The following ARHGEF12 variants were observed in gnomAD, a reference collection of about 807,000 sequenced individuals.
ARHGEF12 encodes the protein Rho guanine nucleotide exchange factor 12, also known as KMT2A/ARHGEF12 fusion protein.
ARHGEF12 carries 66 observed loss-of-function variants against 211.2 expected under a neutral mutation model. The ratio of observed to expected loss-of-function variants is 0.31; its 90% CI spans 0.26 to 0.38. The LOEUF is 0.38. Ranked by LOEUF, ARHGEF12 falls within the 10% of genes least tolerant of loss-of-function variation. ARHGEF12 has a pLI of 1.00. For missense variants in ARHGEF12, 1,429 were observed against 1,869.5 expected (o/e 0.76, Z 4.34); for synonymous variants, 592 against 638.4 (o/e 0.93, Z 1.09).
intron 35 of ARHGEF12, 50 bp downstream of exon 35, chr11:120,477,355 G>C (rs747781968): frequency 1.2e-6 from 2 of 1,606,580 alleles, no homozygotes; most frequent in Admixed American, 3.4e-5. Context: ...TTTTGGGTTG[G>C]AAAAGACTAG....
Position 120,421,455 on chromosome 11 carries a change from T to TTTTTG in ARHGEF12, c.299-348_299-347insTTTTG, listed in dbSNP as rs1555109035. Among the ~76,000 whole-genome samples, 7 of 99,958 alleles carry TTTTTG rather than the reference T, an allele frequency of 7.0e-5. 1 individual carries two copies. Among genetic ancestry groups the TTTTTG allele is most frequent in the Non-Finnish European group, 1.2e-4 (6 of 50,888 alleles). The allele number at this position is 99,958 out of a possible 152,430, so 65.6% of individuals were successfully genotyped here. ...TTTTTTTTTTTTGTTTTTTTTTTTT[T>TTTTTG]GGAGATGGAGTCTCCCTCTGTCACC... On this transcript the variant is annotated intron_variant, in intron 5 of 40. Coordinates refer to ENST00000397843, the MANE Select transcript of ARHGEF12 (RefSeq NM_015313.3).
chr11:120,410,549 C>T (rs901853301), intron 4 of ARHGEF12: 2 of 152,096 alleles, frequency 1.3e-5, no homozygotes, highest in African/African-American at 4.8e-5. Flanking sequence ...GAATTGCCCT[C>T]CCCTTTTTAA....
At chr11:120,477,775 G>C in intron 36 of ARHGEF12, 1 of 389,462 alleles carries the variant, frequency 2.6e-6, no homozygotes, top group Non-Finnish European at 4.5e-6. Flanking sequence ...CTGAGGCAGG[G>C]AGAATTGCTT....
chr11:120,370,769 T>TCCC (rs1374844930), intron 1 of ARHGEF12, among the ~76,000 whole-genome samples: 1 of 152,106 alleles, frequency 6.6e-6, no homozygotes, highest in Non-Finnish European at 1.5e-5. Flanking sequence ...CCTCTCCTCC[T>TCCC]CCCTCACTTA....
At chr11:120,469,861 C>T (rs1266954161) in intron 30 of ARHGEF12, among the ~76,000 whole-genome samples, 2 of 152,040 alleles carry the variant, frequency 1.3e-5, no homozygotes, top group Non-Finnish European at 2.9e-5. Flanking sequence ...TTAGGTGGTG[C>T]CTATTAGAGA....
intron 1 of ARHGEF12, among the ~76,000 whole-genome samples, chr11:120,376,047 G>GTGAC (rs1381581562): frequency 2.6e-5 from 4 of 152,114 alleles, no homozygotes; most frequent in Non-Finnish European, 4.4e-5. Context: ...AACATGATAT[G>GTGAC]TGACTATTGA....
chr11:120,336,446 G>C lies in ARHGEF12; in HGVS notation c.-798G>C, dbSNP rs866090955. On this transcript the variant is annotated 5_prime_UTR_variant, in exon 1 of 41. Coordinates refer to ENST00000397843, the MANE Select transcript of ARHGEF12 (RefSeq NM_015313.3). ...GCGAGCCGGCCCTGCGCCGGGAGAC[G>C]CCGCCGCCTCCGCCTCCCGGACCAG... is the stretch of plus-strand genomic sequence containing the variant. 2.0e-5 allele frequency among the ~76,000 whole-genome samples: 3 copies of C among 151,508 alleles called. No individual in the cohort carries two copies. The highest frequency in any genetic ancestry group is 2.1e-4 in the South Asian group (1 of 4,824).
chr11:120,477,290 A>C lies in ARHGEF12; in HGVS notation c.3437A>C (p.Gln1146Pro). The stretch of plus-strand genomic sequence containing the variant: ...TCCACAAAGCCAATTCCATTACCAC[A>C]GTCAACACCTGGCGAGTGAGTGTTC... ...EQSTKPIPLP[Q>P]STPGEGDNDE... The change falls in exon 35 of 41, where the codon CAG becomes CCG. Residue 1146 changes from glutamine (Q) to proline (P), a missense_variant. This residue lies in a region of ARHGEF12 where 223 missense variants were observed against 444.6 expected (regional missense o/e 0.50). Coordinates refer to ENST00000397843, the MANE Select transcript of ARHGEF12 (RefSeq NM_015313.3). 1 of 1,614,072 alleles carries C rather than the reference A, an allele frequency of 6.2e-7. No individual in the cohort carries two copies. Among genetic ancestry groups the C allele is most frequent in the Admixed American group, 1.7e-5 (1 of 60,000 alleles).
Position 120,419,323 on chromosome 11 carries a change from C to A in ARHGEF12, c.200-1430C>A, listed in dbSNP as rs578219745. On this transcript the variant is annotated intron_variant, in intron 4 of 40. Transcript: ENST00000397843. ...TTGTCCAGTTTCCTAGGTTTTTTTTCTTTTATGGTTTATAAACCCACCCTA... is the reference window on the plus strand; with the variant it reads ...TTGTCCAGTTTCCTAGGTTTTTTTTATTTTATGGTTTATAAACCCACCCTA... Among the ~76,000 whole-genome samples, 4 of 151,352 alleles carry A rather than the reference C, an allele frequency of 2.6e-5. No homozygotes were observed. The South Asian group carries it at 8.5e-4, about 32-fold the overall frequency.
chr11:120,402,731 A>G (rs986116138), intron 1 of ARHGEF12, among the ~76,000 whole-genome samples: 7 of 152,188 alleles, frequency 4.6e-5, no homozygotes, highest in African/African-American at 1.7e-4. Context: ...TTCTTCTCAT[A>G]TGGCTTCAGA....
Position 120,481,581 on chromosome 11 carries a change from C to T in ARHGEF12, c.4554+5C>T. ...GCTGACCTTGAACACTTAAAGGTACCTCATACTTCCACATCCATAGGACTT... is the reference window on the plus strand; with the variant it reads ...GCTGACCTTGAACACTTAAAGGTACTTCATACTTCCACATCCATAGGACTT... On this transcript the variant is annotated splice_donor_5th_base_variant and intron_variant, in intron 39 of 40. Coordinates refer to ENST00000397843, the MANE Select transcript of ARHGEF12 (RefSeq NM_015313.3). 1.9e-6 allele frequency: 3 copies of T among 1,611,484 alleles called. No homozygotes were observed. The highest frequency in any genetic ancestry group is 2.5e-6 in the Non-Finnish European group (3 of 1,177,904).
At position 120,431,923 on chromosome 11, in the gene ARHGEF12, G is replaced by A. The variant is rs1332564352; in HGVS notation, c.924+12G>A. 6.4e-7 allele frequency: 1 copy of A among 1,569,504 alleles called. No homozygotes were observed. The highest frequency in any genetic ancestry group is 8.6e-7 in the Non-Finnish European group (1 of 1,160,706). ...GTGACAATGCAGATGTAAGCTTTCAGTTTTCTAAATCTTTTTTCTTCTGTA... is the reference window on the plus strand; with the variant it reads ...GTGACAATGCAGATGTAAGCTTTCAATTTTCTAAATCTTTTTTCTTCTGTA... On this transcript the variant is annotated intron_variant, in intron 11 of 40. Coordinates refer to ENST00000397843, the MANE Select transcript of ARHGEF12 (RefSeq NM_015313.3).
chr11:120,473,011 C>G lies in ARHGEF12; in HGVS notation c.2956-39C>G, dbSNP rs368321256. 1.3e-4 allele frequency: 210 copies of G among 1,591,452 alleles called. 1 individual carries two copies. Among genetic ancestry groups the G allele is most frequent in the South Asian group, 8.8e-5 (8 of 90,622 alleles). ...CAGAAATAGAGAGGTCATTAATGAC[C>G]AAAGCACTAACCTTGGTTCCACCCT... On this transcript the variant is annotated intron_variant, in intron 30 of 40. Coordinates refer to ENST00000397843, the MANE Select transcript of ARHGEF12 (RefSeq NM_015313.3).
intron 1 of ARHGEF12, among the ~76,000 whole-genome samples, chr11:120,341,528 A>G (rs1218291485): frequency 6.6e-6 from 1 of 152,206 alleles, no homozygotes; most frequent in African/African-American, 2.4e-5. Context: ...CATTGTACAT[A>G]TGTGGTTGCC....
In ARHGEF12 at chr11:120,435,576, G is replaced by A. The variant is rs559406547; in HGVS notation, c.925-1732G>A. Among the ~76,000 whole-genome samples, 60 of 143,592 alleles carry A rather than the reference G, an allele frequency of 4.2e-4. 1 individual carries two copies. Among genetic ancestry groups the A allele is most frequent in the African/African-American group, 1.5e-3 (58 of 38,442 alleles). The allele number at this position is 143,592 out of a possible 152,430, so 94.2% of individuals were successfully genotyped here. The stretch of plus-strand genomic sequence containing the variant: ...GTTGCCCAGGCTGGAGTGCAGTGAC[G>A]CAATCTCAGCTCACTGCAACCTCCG... On this transcript the variant is annotated intron_variant, in intron 11 of 40. Transcript: ENST00000397843.
intron 1 of ARHGEF12, among the ~76,000 whole-genome samples, chr11:120,349,304 A>G (rs1282809145): frequency 6.6e-6 from 1 of 152,214 alleles, no homozygotes; most frequent in African/African-American, 2.4e-5. Flanking sequence ...ATAGAAAGTA[A>G]GTCAAATATT....
chr11:120,442,282 T>C (rs887920949), intron 15 of ARHGEF12, 80 bp downstream of exon 15: 4 of 1,079,594 alleles, frequency 3.7e-6, no homozygotes, highest in Non-Finnish European at 5.2e-6. Flanking sequence ...TTCCCTCCCA[T>C]GTTTTTGGAT....
At chr11:120,384,387 CA>C (rs1943967493) in intron 1 of ARHGEF12, among the ~76,000 whole-genome samples, 1 of 152,108 alleles carries the variant, frequency 6.6e-6, no homozygotes, top group African/African-American at 2.4e-5. Context: ...TTTTGTAAAA[CA>C]ACATGTTTTT....
At chr11:120,341,017 C>T (rs1942518835) in intron 1 of ARHGEF12, among the ~76,000 whole-genome samples, 1 of 152,144 alleles carries the variant, frequency 6.6e-6, no homozygotes. Flanking sequence ...CCACTTAACA[C>T]ATTGGTGGTT....
Sources: gnomAD v4.1 joint callset for allele counts (sites outside exome capture counted in the v4.1 genomes callset) on GRCh38, gnomAD v4.1.1 for gene constraint, gnomAD v4.1.1 regional missense constraint, MANE v1.5 for transcripts, NCBI Gene and HGNC (gene_info 2026-07-23, HGNC 2026-07-21) for gene names.